Variants in CACNA1C observed in about 807,000 individuals in gnomAD.
The protein encoded by CACNA1C is voltage-dependent L-type calcium channel subunit alpha-1C.
A neutral mutation model predicts 229.0 loss-of-function variants in CACNA1C; 30 were observed. The ratio of observed to expected loss-of-function variants is 0.13; its 90% CI spans 0.10 to 0.18. The LOEUF (loss-of-function observed/expected upper bound fraction) is 0.18, where lower values mean the gene tolerates loss of function less well. CACNA1C is among the 10% of genes least tolerant of loss of function. The probability of loss-of-function intolerance (pLI) is 1.00; values close to 1 mark genes in which losing one functional copy is unlikely to be tolerated. For synonymous variants in CACNA1C, 1,114 were observed against 1,132.5 expected (o/e 0.98, Z 0.33); for missense variants, 1,658 against 2,845.0 (o/e 0.58, Z 9.49).
At chr12:2,570,379 C>T (rs2053697894) in intron 13 of CACNA1C, among the ~76,000 whole-genome samples, 1 of 151,348 alleles carries the variant, frequency 6.6e-6, no homozygotes, top group Non-Finnish European at 1.5e-5. Flanking sequence ...GGCAACCACC[C>T]AGAGCATGGT....
chr12:2,096,055 T>C (rs2073811698), intron 1 of CACNA1C, among the ~76,000 whole-genome samples: 1 of 152,152 alleles, frequency 6.6e-6, no homozygotes, highest in Non-Finnish European at 1.5e-5. Context: ...TGGCCTGCCC[T>C]GGAGATACTC....
chr12:2,277,249 C>A (rs76721755), intron 3 of CACNA1C, among the ~76,000 whole-genome samples: 7,261 of 152,174 alleles, frequency 0.048, 215 homozygotes, highest in Middle Eastern at 0.065. Flanking sequence ...GAAACACTGT[C>A]ATTAACAATT....
chr12:2,696,841 G>T lies in CACNA1C; in HGVS notation c.*5642G>T, dbSNP rs1476143257. The T allele has an allele frequency of 6.6e-6, 1 of 152,262 alleles. No homozygotes were observed. The highest frequency in any genetic ancestry group is 2.1e-4 in the South Asian group (1 of 4,828). The allele number at this position is 152,262 out of a possible 1,614,324, so 9.4% of individuals were successfully genotyped here. On this transcript the variant is annotated 3_prime_UTR_variant, in exon 47 of 47. Transcript: ENST00000399655. ...CTTGCCAAGGAACCTGAGGCTGCAG[G>T]TTTCAGGGACCCCCTTGAAGAAACC...
Position 2,629,812 on chromosome 12 carries a change from G to A in CACNA1C, c.3829-4485G>A, listed in dbSNP as rs187924972. ...ATCCTATGATGCTTTTGCAGCAGTT[G>A]TTCCTTCCCAGCAATGATTTTCTGA... On this transcript the variant is annotated intron_variant, in intron 29 of 46. Transcript: ENST00000399655. Among the ~76,000 whole-genome samples, 174 of 152,358 alleles carry A rather than the reference G, an allele frequency of 1.1e-3. 1 individual carries two copies. Among genetic ancestry groups the A allele is most frequent in the Non-Finnish European group, 2.1e-3 (140 of 68,030 alleles).
intron 9 of CACNA1C, among the ~76,000 whole-genome samples, chr12:2,540,377 A>G (rs1007821373): frequency 6.6e-6 from 1 of 152,124 alleles, no homozygotes; most frequent in African/African-American, 2.4e-5. Flanking sequence ...AGCTCAGAAG[A>G]GGAGACTCGG....
At chr12:2,634,719 T>C (rs2092140491) in intron 30 of CACNA1C, among the ~76,000 whole-genome samples, 1 of 152,076 alleles carries the variant, frequency 6.6e-6, no homozygotes, top group Non-Finnish European at 1.5e-5. Context: ...AGGGGATGTT[T>C]GCCACTCTGG....
At chr12:2,107,523 G>A (rs1348205174) in intron 1 of CACNA1C, among the ~76,000 whole-genome samples, 1 of 151,958 alleles carries the variant, frequency 6.6e-6, no homozygotes, top group African/African-American at 2.4e-5. Flanking sequence ...TGCTCACCCT[G>A]GAGAGGGTTT....
chr12:2,583,288 T>C (rs991685752), intron 15 of CACNA1C, among the ~76,000 whole-genome samples: 9 of 152,184 alleles, frequency 5.9e-5, no homozygotes, highest in Admixed American at 2.6e-4. Flanking sequence ...GGCCGCGGCG[T>C]CTGCTCAGAG....
intron 3 of CACNA1C, among the ~76,000 whole-genome samples, chr12:2,385,347 G>A (rs528470441): frequency 3.3e-5 from 5 of 151,692 alleles, no homozygotes; most frequent in Non-Finnish European, 5.9e-5. Flanking sequence ...TCCCGGCAAC[G>A]GAACCTCATC....
At position 2,152,845 on chromosome 12, in the gene CACNA1C, C is replaced by T. The variant is rs541119555; in HGVS notation, c.477+32415C>T. ...ATGTCACCCACAGGACTGGTGTGCCCGGTAGGAAAGATTGGTAGGTCCCAC... is the reference window on the plus strand; with the variant it reads ...ATGTCACCCACAGGACTGGTGTGCCTGGTAGGAAAGATTGGTAGGTCCCAC... On this transcript the variant is annotated intron_variant, in intron 3 of 46. Coordinates refer to ENST00000399655, the MANE Select transcript of CACNA1C (RefSeq NM_000719.7). This position sits in a 1 kb window ranked among gnomAD's most constrained non-coding sequence, Gnocchi z 4.2. Among the ~76,000 whole-genome samples the T allele has an allele frequency of 5.9e-5, 9 of 152,232 alleles. No individual in the cohort carries two copies. Among genetic ancestry groups the T allele is most frequent in the East Asian group, 5.8e-4 (3 of 5,182 alleles).
rs1025314654 is a variant in CACNA1C, at chr12:2,220,393, C to G, written c.477+99963C>G. The G allele has an allele frequency of 9.8e-5, 15 of 152,350 alleles. No individual in the cohort carries two copies. The East Asian group carries it at 2.5e-3, about 25-fold the overall frequency. 9.4% of individuals were successfully genotyped at this position (152,350 alleles called of 1,614,324 possible). A position where few individuals can be genotyped will look rare whatever the true frequency, so the allele number is the denominator to read the frequency against. ...AAGGCTCAGGCATGGGGAACTGGTA[C>G]AAGCATTACCTCTGCCCTCCCATGA... On this transcript the variant is annotated intron_variant, in intron 3 of 46. Coordinates refer to ENST00000399655, the MANE Select transcript of CACNA1C (RefSeq NM_000719.7).
intron 1 of CACNA1C, among the ~76,000 whole-genome samples, chr12:2,088,899 T>C (rs1423197620): frequency 1.3e-5 from 2 of 152,110 alleles, no homozygotes; most frequent in African/African-American, 2.4e-5. Context: ...CTCCACTGCA[T>C]TAGGCGGGCT....
chr12:2,212,333 G>A (rs1049334508), intron 3 of CACNA1C, among the ~76,000 whole-genome samples: 2 of 152,132 alleles, frequency 1.3e-5, no homozygotes, highest in African/African-American at 2.4e-5. Flanking sequence ...AGTGGTTGCC[G>A]CTAGCTTCAT....
chr12:2,266,688 C>T (rs2082519691), intron 3 of CACNA1C, among the ~76,000 whole-genome samples: 1 of 152,194 alleles, frequency 6.6e-6, no homozygotes, highest in Admixed American at 6.5e-5. Context: ...TAAGTCTTCC[C>T]ACTTCAAGGA....
intron 3 of CACNA1C, among the ~76,000 whole-genome samples, chr12:2,263,316 G>A (rs568447734): frequency 3.8e-4 from 58 of 151,910 alleles, no homozygotes; most frequent in African/African-American, 1.3e-3. Flanking sequence ...GGCCAGGTGC[G>A]GAGGCCCTCA....
chr12:2,090,458 C>T (rs946878336), intron 1 of CACNA1C, among the ~76,000 whole-genome samples: 6 of 151,566 alleles, frequency 4.0e-5, no homozygotes, highest in African/African-American at 1.5e-4. Context: ...GCTGGGATTA[C>T]AGGTGTGCAC....
chr12:2,277,362 GACACACACACACACACACAC>G (rs59258094), intron 3 of CACNA1C, among the ~76,000 whole-genome samples: 1,116 of 72,166 alleles, frequency 0.015, 4 homozygotes, highest in Middle Eastern at 0.049. Flanking sequence ...CAGACAGACA[GACACACACACACACACACAC>G]ACACACACAC....
intron 3 of CACNA1C, among the ~76,000 whole-genome samples, chr12:2,407,354 A>G (rs368698420): frequency 0.073 from 5,376 of 73,668 alleles, 80 homozygotes; most frequent in African/African-American, 0.13. Flanking sequence ...ATAAGTGTGC[A>G]GTGGACATCG....
At chr12:2,310,091 C>A (rs1434484558) in intron 3 of CACNA1C, among the ~76,000 whole-genome samples, 1 of 152,134 alleles carries the variant, frequency 6.6e-6, no homozygotes, top group Non-Finnish European at 1.5e-5. Context: ...CACTGGTTGG[C>A]TACGAAGCGG....
Sources: gnomAD v4.1 joint callset for allele counts (sites outside exome capture counted in the v4.1 genomes callset) on GRCh38, gnomAD v4.1.1 for gene constraint, Gnocchi (gnomAD v3.1) non-coding constraint, MANE v1.5 for transcripts, NCBI Gene and HGNC (gene_info 2026-07-23, HGNC 2026-07-21) for gene names.